The following FRMD4A variants were observed in gnomAD, a reference collection of about 807,000 sequenced individuals.
The protein encoded by FRMD4A is FERM domain-containing protein 4A.
A neutral mutation model predicts 129.1 loss-of-function variants in FRMD4A; 29 were observed. The ratio of observed to expected loss-of-function variants is 0.22; its 90% CI spans 0.17 to 0.31. FRMD4A has a LOEUF of 0.31. FRMD4A is among the 10% of genes least tolerant of loss of function. The pLI is 1.00. For missense variants in FRMD4A, 1,272 were observed against 1,375.8 expected, an observed-to-expected ratio of 0.92 and a Z score of 1.19; for synonymous variants, 634 against 571.6, an observed-to-expected ratio of 1.11 and a Z score of -1.56.
chr10:14,242,455 C>T (rs1844081634), intron 2 of FRMD4A, among the ~76,000 whole-genome samples: 1 of 152,124 alleles, frequency 6.6e-6, no homozygotes, highest in African/African-American at 2.4e-5. Context: ...ATGTTGGAGA[C>T]ATTTGGTGAT....
At chr10:14,046,906 C>T (rs979337343) in intron 2 of FRMD4A, among the ~76,000 whole-genome samples, 2 of 152,016 alleles carry the variant, frequency 1.3e-5, no homozygotes, top group East Asian at 3.9e-4. Flanking sequence ...GTCGCTGGTC[C>T]CTCCTAGGGC....
intron 2 of FRMD4A, among the ~76,000 whole-genome samples, chr10:14,271,121 T>A (rs1845149640): frequency 6.6e-6 from 1 of 152,054 alleles, no homozygotes; most frequent in Non-Finnish European, 1.5e-5. Context: ...AGGTCTCAGA[T>A]GAACTCAGAG....
intron 9 of FRMD4A, among the ~76,000 whole-genome samples, chr10:13,746,681 C>T (rs2091308058): frequency 1.3e-5 from 2 of 152,196 alleles, no homozygotes; most frequent in Admixed American, 6.5e-5. Flanking sequence ...TTAGAATCAA[C>T]TTGGTCTGTG....
At chr10:14,141,927 G>A (rs998287063) in intron 2 of FRMD4A, among the ~76,000 whole-genome samples, 3 of 152,076 alleles carry the variant, frequency 2.0e-5, no homozygotes, top group African/African-American at 2.4e-5. Context: ...TTCAATAAAG[G>A]TCGATAGCCT....
At chr10:14,258,323 A>G (rs796587335) in intron 2 of FRMD4A, among the ~76,000 whole-genome samples, 12 of 78,190 alleles carry the variant, frequency 1.5e-4, no homozygotes, top group African/African-American at 4.8e-4. Flanking sequence ...GGTTTTAACT[A>G]AAAAAAAAAA....
intron 3 of FRMD4A, among the ~76,000 whole-genome samples, chr10:13,848,643 C>T (rs550735679): frequency 1.0e-4 from 10 of 97,708 alleles, no homozygotes; most frequent in East Asian, 3.0e-4. Context: ...TGTGTGTAAA[C>T]GCGGCAGGGG....
chr10:14,329,778 A>T (rs964381298), intron 2 of FRMD4A, among the ~76,000 whole-genome samples: 1 of 152,200 alleles, frequency 6.6e-6, no homozygotes, highest in South Asian at 2.1e-4. Context: ...GCATCCTAGC[A>T]ATCTATTTCG....
intron 2 of FRMD4A, among the ~76,000 whole-genome samples, chr10:13,992,765 C>A (rs1455759409): frequency 1.3e-5 from 2 of 151,756 alleles, no homozygotes; most frequent in Non-Finnish European, 2.9e-5. Flanking sequence ...ACCAGCTTGA[C>A]CAAATGGTGA....
intron 2 of FRMD4A, among the ~76,000 whole-genome samples, chr10:13,936,409 T>G (rs892933649): frequency 6.6e-6 from 1 of 152,196 alleles, no homozygotes; most frequent in African/African-American, 2.4e-5. Flanking sequence ...ATAGGCTGAA[T>G]GTGCTCCTCC....
At chr10:14,108,764 T>C (rs1343975296) in intron 2 of FRMD4A, among the ~76,000 whole-genome samples, 5 of 152,158 alleles carry the variant, frequency 3.3e-5, no homozygotes, top group Non-Finnish European at 7.4e-5. Context: ...AGAGATGAAA[T>C]AGAATGAATT....
chr10:13,817,405 A>G (rs2092095033), intron 3 of FRMD4A, among the ~76,000 whole-genome samples: 1 of 152,244 alleles, frequency 6.6e-6, no homozygotes, highest in African/African-American at 2.4e-5. Flanking sequence ...CAGGCAGGAC[A>G]CGACTAACTA....
At chr10:13,677,586 A>G (rs2084113151) in intron 15 of FRMD4A, among the ~76,000 whole-genome samples, 1 of 152,218 alleles carries the variant, frequency 6.6e-6, no homozygotes, top group Non-Finnish European at 1.5e-5. Context: ...CACACAGCAC[A>G]TCGCTGAACA....
intron 2 of FRMD4A, among the ~76,000 whole-genome samples, chr10:13,918,511 G>C (rs2095034397): frequency 6.6e-6 from 1 of 152,100 alleles, no homozygotes. Context: ...CTACATGTCT[G>C]TTACGAATAT....
intron 2 of FRMD4A, among the ~76,000 whole-genome samples, chr10:14,085,514 C>A (rs1483020601): frequency 6.6e-6 from 1 of 152,200 alleles, no homozygotes; most frequent in African/African-American, 2.4e-5. Flanking sequence ...AGGGAGGACG[C>A]ATTCTCATCA....
At chr10:14,112,236 A>T (rs1163839426) in intron 2 of FRMD4A, among the ~76,000 whole-genome samples, 5 of 152,120 alleles carry the variant, frequency 3.3e-5, no homozygotes, top group African/African-American at 1.2e-4. Flanking sequence ...AGTCAAGTCC[A>T]TGTTTGAATT....
chr10:13,741,675 C>T (rs771346242), intron 9 of FRMD4A, among the ~76,000 whole-genome samples: 63 of 152,122 alleles, frequency 4.1e-4, no homozygotes, highest in Non-Finnish European at 5.1e-4. Flanking sequence ...TGCCCACAGC[C>T]TACCTGCTCT....
chr10:13,754,121 C>T (rs867436919), intron 8 of FRMD4A, among the ~76,000 whole-genome samples: 35 of 152,234 alleles, frequency 2.3e-4, no homozygotes, highest in Middle Eastern at 3.4e-3. Context: ...AAAACTGACA[C>T]AGTACCATAG....
chr10:14,320,943 T>C (rs1843022628), intron 2 of FRMD4A, among the ~76,000 whole-genome samples: 2 of 152,364 alleles, frequency 1.3e-5, no homozygotes, highest in South Asian at 2.1e-4. Context: ...CAACCTCTTC[T>C]AAGAAGGCGT....
chr10:13,654,268 G>C (rs2081943333), intron 23 of FRMD4A, 148 bp downstream of exon 23: 1 of 675,572 alleles, frequency 1.5e-6, no homozygotes, highest in Non-Finnish European at 2.7e-6. Flanking sequence ...GGTGACAGCA[G>C]ATCATGGGGC....
Sources: allele counts gnomAD v4.1 joint callset (sites outside exome capture counted in the v4.1 genomes callset), GRCh38; gene constraint gnomAD v4.1.1; transcripts MANE v1.5; gene names NCBI Gene and HGNC (gene_info 2026-07-23, HGNC 2026-07-21).